Variants in KAZN observed in about 807,000 individuals in gnomAD.
KAZN encodes kazrin, periplakin interacting protein.
Under a neutral mutation model 87.4 loss-of-function variants are expected in KAZN, and 40 were observed. The observed-to-expected ratio is 0.46, with a 90% CI of 0.36 to 0.60. The LOEUF is 0.60. KAZN is among the 20% of genes least tolerant of loss of function. The probability of loss-of-function intolerance (pLI) is 0.00; values close to 1 mark genes in which losing one functional copy is unlikely to be tolerated. For missense variants in KAZN, 898 were observed against 1,073.9 expected (o/e 0.84, Z 2.29); for synonymous variants, 466 against 458.3 (o/e 1.02, Z -0.22).
chr1:15,015,118 CTG>C (rs1270482006), intron 2 of KAZN, among the ~76,000 whole-genome samples: 5 of 151,286 alleles, frequency 3.3e-5, no homozygotes, highest in Non-Finnish European at 7.4e-5. Context: ...ACTTTAAAAA[CTG>C]AAGTTTTTTC....
At chr1:14,385,968 C>G (rs969173524) in intron 2 of KAZN, among the ~76,000 whole-genome samples, 1 of 151,226 alleles carries the variant, frequency 6.6e-6, no homozygotes, top group African/African-American at 2.4e-5. Context: ...GTAGGTCACT[C>G]AGGACTTGCT....
At chr1:14,010,279 C>G (rs963838145) in intron 1 of KAZN, among the ~76,000 whole-genome samples, 1 of 152,160 alleles carries the variant, frequency 6.6e-6, no homozygotes, top group Non-Finnish European at 1.5e-5. Flanking sequence ...GCCTGCTGTA[C>G]TTTGGTCTTA....
intron 2 of KAZN, among the ~76,000 whole-genome samples, chr1:14,388,444 G>A (rs2101078910): frequency 6.6e-6 from 1 of 152,288 alleles, no homozygotes; most frequent in South Asian, 2.1e-4. Flanking sequence ...CACATTACTT[G>A]ACTTTAAAAT....
At chr1:15,000,017 A>C (rs1161927847) in intron 2 of KAZN, among the ~76,000 whole-genome samples, 1 of 152,134 alleles carries the variant, frequency 6.6e-6, no homozygotes, top group African/African-American at 2.4e-5. Flanking sequence ...ATTATATGGC[A>C]AGAGGGACTT....
In KAZN at chr1:14,427,612, G is replaced by GTGTA. The variant is rs74969614; in HGVS notation, c.250-171370_250-171369insGTAT. 2.9e-3 allele frequency among the ~76,000 whole-genome samples: 434 copies of GTGTA among 151,876 alleles called. 4 individuals carry two copies. Among genetic ancestry groups the GTGTA allele is most frequent in the East Asian group, 0.014 (71 of 5,140 alleles). On this transcript the variant is annotated intron_variant, in intron 2 of 16. Transcript: ENST00000636203. ...GTGTATACATGTATACTGTGTGTGT[G>GTGTA]TATATATATGGTATATATGTGCACA... is the stretch of plus-strand genomic sequence containing the variant.
intron 2 of KAZN, among the ~76,000 whole-genome samples, chr1:15,027,230 C>T (rs1671267356): frequency 6.6e-6 from 1 of 151,900 alleles, no homozygotes; most frequent in Non-Finnish European, 1.5e-5. Flanking sequence ...TACAGGCGCC[C>T]GCACCACTCC....
chr1:14,738,617 C>T (rs891071836), intron 1 of KAZN, among the ~76,000 whole-genome samples: 4 of 152,104 alleles, frequency 2.6e-5, no homozygotes, highest in African/African-American at 9.7e-5. Flanking sequence ...TTCTAATGAG[C>T]TTCAGGAGAA....
chr1:14,163,591 T>G (rs188473176), intron 1 of KAZN, among the ~76,000 whole-genome samples: 2 of 152,216 alleles, frequency 1.3e-5, no homozygotes, highest in Non-Finnish European at 2.9e-5. Context: ...ATTTGAAAAC[T>G]GCTGATCACC....
chr1:14,217,537 G>C (rs954166041), intron 2 of KAZN, among the ~76,000 whole-genome samples: 13 of 152,118 alleles, frequency 8.5e-5, no homozygotes, highest in African/African-American at 2.4e-4. Context: ...TTAAGGATTT[G>C]AGGGAAAGTG....
Position 15,060,259 on chromosome 1 carries a change from G to GCGACATCAACTCCCCT in KAZN, c.1010_1025dup (p.Arg343GlnfsTer35). The GCGACATCAACTCCCCT allele has an allele frequency of 6.2e-7, 1 of 1,614,234 alleles. No homozygotes were observed. The highest frequency in any genetic ancestry group is 8.5e-7 in the Non-Finnish European group (1 of 1,180,040). The stretch of plus-strand genomic sequence containing the variant: ...GAAGGCGACCGGTCGTCCACACCGA[G>GCGACATCAACTCCCCT]CGACATCAACTCCCCTCGACACCGG... On this transcript the variant is annotated frameshift_variant, in exon 6 of 15. Coordinates refer to ENST00000376030, the MANE Select transcript of KAZN (RefSeq NM_201628.3). LOFTEE classifies it high-confidence loss of function.
intron 1 of KAZN, among the ~76,000 whole-genome samples, chr1:13,969,566 A>G (rs1277415892): frequency 6.6e-6 from 1 of 151,928 alleles, no homozygotes; most frequent in Non-Finnish European, 1.5e-5. Flanking sequence ...TTCCCTAGTC[A>G]CTCTGCTTCA....
At chr1:14,404,095 G>T (rs1368284033) in intron 2 of KAZN, among the ~76,000 whole-genome samples, 1 of 152,146 alleles carries the variant, frequency 6.6e-6, no homozygotes, top group Non-Finnish European at 1.5e-5. Flanking sequence ...TTATGACTAG[G>T]TGTGCCGTTT....
chr1:14,451,737 G>T (rs1667289189), intron 2 of KAZN, among the ~76,000 whole-genome samples: 7 of 152,136 alleles, frequency 4.6e-5, no homozygotes, highest in Admixed American at 2.0e-4. Flanking sequence ...TATAGTTCCA[G>T]TTCAAGTCCA....
chr1:14,189,801 C>A (rs1557548391), intron 2 of KAZN, among the ~76,000 whole-genome samples: 1 of 152,056 alleles, frequency 6.6e-6, no homozygotes, highest in Non-Finnish European at 1.5e-5. Context: ...AAAATACGGG[C>A]CATTAATTCA....
intron 2 of KAZN, among the ~76,000 whole-genome samples, chr1:14,553,623 T>C (rs2148515974): frequency 6.6e-6 from 1 of 152,318 alleles, no homozygotes; most frequent in South Asian, 2.1e-4. Context: ...GCCCCCTTGC[T>C]GCTCAGTGCG....
chr1:14,864,293 G>A (rs189431143), intron 1 of KAZN, among the ~76,000 whole-genome samples: 16 of 152,326 alleles, frequency 1.1e-4, no homozygotes, highest in South Asian at 2.1e-4. Flanking sequence ...GGCCGGGCGC[G>A]GTGGCTCACG....
intron 2 of KAZN, among the ~76,000 whole-genome samples, chr1:14,260,786 T>C (rs1158457338): frequency 6.6e-6 from 1 of 152,138 alleles, no homozygotes; most frequent in Non-Finnish European, 1.5e-5. Context: ...CACCACACAC[T>C]TGTCAGATGG....
At chr1:14,267,706 G>A (rs1310768616) in intron 2 of KAZN, among the ~76,000 whole-genome samples, 2 of 152,140 alleles carry the variant, frequency 1.3e-5, no homozygotes, top group South Asian at 2.1e-4. Context: ...AGGCACTCAC[G>A]CCTGTAATCC....
chr1:14,181,508 T>C (rs917006973), intron 2 of KAZN, among the ~76,000 whole-genome samples: 6 of 152,178 alleles, frequency 3.9e-5, no homozygotes, highest in Non-Finnish European at 7.3e-5. Flanking sequence ...GAAGCCCGGG[T>C]CTTGTACCAA....
Sources: allele counts gnomAD v4.1 joint callset (sites outside exome capture counted in the v4.1 genomes callset), GRCh38; gene constraint gnomAD v4.1.1; transcripts MANE v1.5; gene names NCBI Gene and HGNC (gene_info 2026-07-23, HGNC 2026-07-21).